Variants in PDE1C observed in about 807,000 individuals in gnomAD.
The protein encoded by PDE1C is dual specificity calcium/calmodulin-dependent 3',5'-cyclic nucleotide phosphodiesterase 1C.
A neutral mutation model predicts 93.1 loss-of-function variants in PDE1C; 62 were observed. The ratio of observed to expected loss-of-function variants is 0.67; its 90% CI spans 0.54 to 0.82. PDE1C has a LOEUF of 0.82. PDE1C is among the 40% of genes least tolerant of loss of function. PDE1C has a pLI of 0.00. For missense variants in PDE1C, 742 were observed against 884.6 expected (o/e 0.84, Z 2.04); for synonymous variants, 325 against 310.1 (o/e 1.05, Z -0.50).
chr7:31,958,373 C>T (rs1808451528), intron 2 of PDE1C, among the ~76,000 whole-genome samples: 1 of 152,222 alleles, frequency 6.6e-6, no homozygotes, highest in Admixed American at 6.5e-5. Flanking sequence ...CAAAATATTC[C>T]TAAGCAACTC....
chr7:32,143,209 G>A (rs1228241760), intron 3 of PDE1C, among the ~76,000 whole-genome samples: 1 of 151,818 alleles, frequency 6.6e-6, no homozygotes, highest in African/African-American at 2.4e-5. Context: ...TCATACCATA[G>A]TGAGTCTTAA....
intron 1 of PDE1C, among the ~76,000 whole-genome samples, chr7:32,390,300 G>A (rs1330546383): frequency 2.0e-5 from 3 of 151,940 alleles, no homozygotes; most frequent in African/African-American, 7.3e-5. Flanking sequence ...GATGCATATT[G>A]TACTCCCTAA....
At chr7:31,804,463 T>G (rs1057298725) in intron 16 of PDE1C, among the ~76,000 whole-genome samples, 1 of 151,746 alleles carries the variant, frequency 6.6e-6, no homozygotes, top group Non-Finnish European at 1.5e-5. Flanking sequence ...TAGTTTCCCT[T>G]TACACACAGA....
At chr7:31,776,756 C>A (rs546482848) in intron 16 of PDE1C, among the ~76,000 whole-genome samples, 5 of 152,118 alleles carry the variant, frequency 3.3e-5, no homozygotes, top group Admixed American at 2.0e-4. Context: ...CAGATTCTAG[C>A]AACACGGCAG....
chr7:31,676,769 T>TAGAAA, the PDE1C span, among the ~76,000 whole-genome samples: 2 of 152,024 alleles, frequency 1.3e-5, no homozygotes, highest in Admixed American at 1.3e-4. Context: ...ATTGTTTCTA[T>TAGAAA]GAATAAAATT....
At chr7:32,393,134 T>G (rs757502221) in intron 1 of PDE1C, among the ~76,000 whole-genome samples, 10 of 150,032 alleles carry the variant, frequency 6.7e-5, no homozygotes, top group Non-Finnish European at 1.2e-4. Context: ...GAAGATCATC[T>G]AGGAAAAACT....
At chr7:32,067,991 C>T (rs901113212) in intron 1 of PDE1C, among the ~76,000 whole-genome samples, 2 of 151,990 alleles carry the variant, frequency 1.3e-5, no homozygotes, top group Admixed American at 1.3e-4. Context: ...CGGGCGATAC[C>T]AACAAGAAGG....
the PDE1C span, among the ~76,000 whole-genome samples, chr7:31,634,446 T>A: frequency 6.6e-6 from 1 of 152,156 alleles, no homozygotes; most frequent in Admixed American, 6.5e-5. Context: ...ACAAGTAACA[T>A]AGTATTACCA....
At chr7:32,095,914 C>G (rs1797726338) in intron 3 of PDE1C, among the ~76,000 whole-genome samples, 1 of 152,146 alleles carries the variant, frequency 6.6e-6, no homozygotes, top group Non-Finnish European at 1.5e-5. Flanking sequence ...CAACAGGTGC[C>G]AAGTCCCAAC....
At chr7:32,381,528 C>G (rs1784534125) in intron 1 of PDE1C, among the ~76,000 whole-genome samples, 1 of 152,170 alleles carries the variant, frequency 6.6e-6, no homozygotes, top group Non-Finnish European at 1.5e-5. Context: ...ACTCCAGCAC[C>G]CTGGCCTCCT....
At chr7:32,374,927 C>T (rs1010397221) in intron 1 of PDE1C, among the ~76,000 whole-genome samples, 8 of 152,184 alleles carry the variant, frequency 5.3e-5, no homozygotes, top group Non-Finnish European at 8.8e-5. Context: ...AGTCACACAA[C>T]AACTCTGATG....
chr7:31,970,160 A>T (rs555402995), intron 2 of PDE1C, among the ~76,000 whole-genome samples: 9 of 152,286 alleles, frequency 5.9e-5, no homozygotes, highest in African/African-American at 2.2e-4. Flanking sequence ...AAATTTTTTT[A>T]AAAAAGAAAA....
intron 7 of PDE1C, among the ~76,000 whole-genome samples, chr7:31,863,632 G>A (rs1425279276): frequency 2.0e-5 from 3 of 152,176 alleles, no homozygotes; most frequent in Middle Eastern, 3.4e-3. Flanking sequence ...TTTATAATAA[G>A]GAAGAACTGA....
Position 32,349,722 on chromosome 7 carries a change from C to T in PDE1C, c.310+78100G>A, listed in dbSNP as rs565043308. Among the ~76,000 whole-genome samples the T allele has an allele frequency of 4.6e-5, 7 of 152,208 alleles. No individual in the cohort carries two copies. In the South Asian group the frequency reaches 8.3e-4, roughly 18 times the overall value. ...TTGGGTCACTGCAACCTCCACCTCT[C>T]GGGTTCAAGCGATTCTTCTGCCTGA... On this transcript the variant is annotated intron_variant, in intron 1 of 1. Coordinates refer to the PDE1C transcript ENST00000672256.
At chr7:31,918,115 T>TA (rs1802160866) in intron 2 of PDE1C, among the ~76,000 whole-genome samples, 1 of 152,172 alleles carries the variant, frequency 6.6e-6, no homozygotes, top group Admixed American at 6.5e-5. Flanking sequence ...ATCAGACAGA[T>TA]CAATTAGTAG....
intron 1 of PDE1C, among the ~76,000 whole-genome samples, chr7:32,405,441 G>A (rs1475539504): frequency 7.2e-5 from 11 of 151,970 alleles, no homozygotes; most frequent in Non-Finnish European, 1.0e-4. Flanking sequence ...AGTAGAGATG[G>A]GGTTTCTCCA....
intron 3 of PDE1C, among the ~76,000 whole-genome samples, chr7:32,083,448 C>T (rs1796848399): frequency 6.6e-6 from 1 of 152,134 alleles, no homozygotes; most frequent in Non-Finnish European, 1.5e-5. Flanking sequence ...TCCAGGAGAA[C>T]TTCCCCAGTC....
chr7:32,217,668 G>A (rs573180694), intron 1 of PDE1C, among the ~76,000 whole-genome samples: 8 of 152,326 alleles, frequency 5.3e-5, no homozygotes, highest in African/African-American at 1.4e-4. Flanking sequence ...ATGAAGGGAG[G>A]AGGTAGGATG....
intron 1 of PDE1C, among the ~76,000 whole-genome samples, chr7:32,219,962 G>C (rs573614948): frequency 3.9e-5 from 6 of 152,228 alleles, no homozygotes; most frequent in African/African-American, 1.4e-4. Flanking sequence ...TAAGTCTCAC[G>C]AGATCTGATG....
Sources: gnomAD v4.1 joint callset for allele counts (sites outside exome capture counted in the v4.1 genomes callset) on GRCh38, gnomAD v4.1.1 for gene constraint, MANE v1.5 for transcripts, NCBI Gene and HGNC (gene_info 2026-07-23, HGNC 2026-07-21) for gene names.